Variants in SORCS2 observed in about 807,000 individuals in gnomAD.
SORCS2 encodes the protein sortilin related VPS10 domain containing receptor 2, also known as VPS10 domain-containing receptor SorCS2.
A neutral mutation model predicts 141.6 loss-of-function variants in SORCS2; 100 were observed. That is an observed-to-expected ratio of 0.71 (90% CI 0.60 to 0.83). The LOEUF (loss-of-function observed/expected upper bound fraction) is 0.83, where lower values mean the gene tolerates loss of function less well. SORCS2 is among the 40% of genes least tolerant of loss of function. SORCS2 has a pLI of 0.00. For synonymous variants in SORCS2, 789 were observed against 676.9 expected (o/e 1.17, Z -2.57); for missense variants, 1,646 against 1,560.2 (o/e 1.05, Z -0.93).
At chr4:7,447,721 G>A (rs1427072408) in intron 2 of SORCS2, among the ~76,000 whole-genome samples, 1 of 152,174 alleles carries the variant, frequency 6.6e-6, no homozygotes, top group Non-Finnish European at 1.5e-5. Flanking sequence ...ACCCCGAGGA[G>A]GCTGCTGCTC....
chr4:7,692,608 C>T (rs1331424704), intron 11 of SORCS2, among the ~76,000 whole-genome samples: 1 of 152,190 alleles, frequency 6.6e-6, no homozygotes, highest in Non-Finnish European at 1.5e-5. Flanking sequence ...TAAGACTCAG[C>T]TGCTCGGGGT....
intron 1 of SORCS2, among the ~76,000 whole-genome samples, chr4:7,252,885 CTG>C (rs1381730659): frequency 3.9e-5 from 6 of 152,238 alleles, no homozygotes; most frequent in Non-Finnish European, 8.8e-5. Flanking sequence ...AAAATTGAAA[CTG>C]TCGAATGGAA....
At chr4:7,700,736 C>T (rs938637644) in intron 12 of SORCS2, among the ~76,000 whole-genome samples, 5 of 152,190 alleles carry the variant, frequency 3.3e-5, no homozygotes, top group South Asian at 2.1e-4. Context: ...CCGTGAACCT[C>T]GGAGGGAGCA....
chr4:7,590,210 C>A (rs548882697), intron 3 of SORCS2, among the ~76,000 whole-genome samples: 2 of 152,278 alleles, frequency 1.3e-5, no homozygotes, highest in African/African-American at 4.8e-5. Context: ...AGTGATTTGT[C>A]CCAACATTAA....
At chr4:7,309,392 G>A (rs1056499134) in intron 1 of SORCS2, among the ~76,000 whole-genome samples, 3 of 152,170 alleles carry the variant, frequency 2.0e-5, no homozygotes, top group African/African-American at 7.2e-5. Context: ...CCGTCTGGCA[G>A]CCAAATCTAT....
At chr4:7,692,367 C>T (rs1050106642) in intron 11 of SORCS2, among the ~76,000 whole-genome samples, 1 of 152,216 alleles carries the variant, frequency 6.6e-6, no homozygotes, top group African/African-American at 2.4e-5. Context: ...GGAAAAGCCC[C>T]AGGCTCTATG....
intron 8 of SORCS2, among the ~76,000 whole-genome samples, chr4:7,670,705 T>C (rs1295993402): frequency 6.6e-6 from 1 of 152,234 alleles, no homozygotes; most frequent in Non-Finnish European, 1.5e-5. Flanking sequence ...TCGATTTGGA[T>C]AATGTCAGCT....
chr4:7,707,801 G>T (rs779950999), intron 14 of SORCS2, among the ~76,000 whole-genome samples: 1 of 152,214 alleles, frequency 6.6e-6, no homozygotes, highest in Non-Finnish European at 1.5e-5. Context: ...ACACAGGGGT[G>T]GAGACAGACG....
In SORCS2 at chr4:7,450,709, A is replaced by G. The variant is rs371724353; in HGVS notation, c.548+54354A>G. Reference sequence around the variant, plus strand: ...AGACTGAATGAATCTGAGTGAGTGAATGAGGGAGTGAGTGCATGAATGAGT... The same window carrying G: ...AGACTGAATGAATCTGAGTGAGTGAGTGAGGGAGTGAGTGCATGAATGAGT... On this transcript the variant is annotated intron_variant, in intron 2 of 26. Transcript: ENST00000507866. Among the ~76,000 whole-genome samples the G allele has an allele frequency of 5.9e-5, 9 of 152,358 alleles. No homozygotes were observed. The South Asian group carries it at 1.0e-3, about 18-fold the overall frequency.
chr4:7,502,306 G>A (rs1732022123), intron 2 of SORCS2, among the ~76,000 whole-genome samples: 1 of 152,250 alleles, frequency 6.6e-6, no homozygotes, highest in South Asian at 2.1e-4. Context: ...ACTGTCTGAG[G>A]ATGACATCTC....
chr4:7,741,111 T>C lies in SORCS2; in HGVS notation c.*847T>C, dbSNP rs1712635135. On this transcript the variant is annotated 3_prime_UTR_variant, in exon 27 of 27. Coordinates refer to ENST00000507866, the MANE Select transcript of SORCS2 (RefSeq NM_020777.3). ...ACCTGATGGCTGTTCTCCCACCGGG[T>C]CTGGGCTCTGGAAGGAGCCAGATGC... The C allele has an allele frequency of 2.5e-6, 1 of 398,402 alleles. No individual in the cohort carries two copies. Among genetic ancestry groups the C allele is most frequent in the African/African-American group, 2.1e-5 (1 of 48,550 alleles). The allele number at this position is 398,402 out of a possible 1,614,324, so 24.7% of individuals were successfully genotyped here. A position where few individuals can be genotyped will look rare whatever the true frequency, so the allele number is the denominator to read the frequency against.
chr4:7,244,533 C>T (rs1712947588), intron 1 of SORCS2, among the ~76,000 whole-genome samples: 1 of 152,214 alleles, frequency 6.6e-6, no homozygotes, highest in South Asian at 2.1e-4. Flanking sequence ...CTTTTCAGGG[C>T]CCATGTGTTC....
rs555098137 is a variant in SORCS2, at chr4:7,645,893, C to T, written c.813+7401C>T. Among the ~76,000 whole-genome samples the T allele has an allele frequency of 1.5e-4, 23 of 152,354 alleles. No homozygotes were observed. The East Asian group carries it at 4.2e-3, about 28-fold the overall frequency. On this transcript the variant is annotated intron_variant, in intron 4 of 26. Transcript: ENST00000507866. Reference sequence around the variant, plus strand: ...TATGGTACACCATCTCTGTGCACCACTATCCCTGGCTGCCTTCCTGCTCCC... The same window carrying T: ...TATGGTACACCATCTCTGTGCACCATTATCCCTGGCTGCCTTCCTGCTCCC...
chr4:7,428,725 G>T (rs62277596), intron 2 of SORCS2, among the ~76,000 whole-genome samples: 16,444 of 152,170 alleles, frequency 0.11, 1,144 homozygotes, highest in South Asian at 0.17. Context: ...AAGGGGAGGG[G>T]CTGGGCTGCA....
At chr4:7,248,213 A>T (rs963491884) in intron 1 of SORCS2, among the ~76,000 whole-genome samples, 1 of 152,158 alleles carries the variant, frequency 6.6e-6, no homozygotes, top group South Asian at 2.1e-4. Flanking sequence ...CCATGATCGC[A>T]TGGGGTCCTT....
intron 1 of SORCS2, among the ~76,000 whole-genome samples, chr4:7,369,434 G>C (rs1348171835): frequency 1.3e-5 from 2 of 152,208 alleles, no homozygotes; most frequent in African/African-American, 4.8e-5. Flanking sequence ...CTATGAGCTG[G>C]TCTCTCCTAA....
At chr4:7,541,348 G>A (rs1294862932) in intron 3 of SORCS2, among the ~76,000 whole-genome samples, 1 of 152,244 alleles carries the variant, frequency 6.6e-6, no homozygotes, top group African/African-American at 2.4e-5. Context: ...CACCATCATG[G>A]GAAGCCTTGC....
intron 2 of SORCS2, among the ~76,000 whole-genome samples, chr4:7,527,377 G>T (rs1031748432): frequency 5.9e-5 from 9 of 152,378 alleles, no homozygotes; most frequent in South Asian, 4.1e-4. Flanking sequence ...TCACAAGGAG[G>T]GAGCCAGAGG....
chr4:7,403,987 ATATATATATATTTTT>A (rs1423418431), intron 2 of SORCS2, among the ~76,000 whole-genome samples: 267 of 22,144 alleles, frequency 0.012, 8 homozygotes, highest in African/African-American at 0.024. Context: ...ATATATATAT[ATATATATATATTTTT>A]TTTTTTTTTT....
Sources: allele counts gnomAD v4.1 joint callset (sites outside exome capture counted in the v4.1 genomes callset), GRCh38; gene constraint gnomAD v4.1.1; transcripts MANE v1.5; gene names NCBI Gene and HGNC (gene_info 2026-07-23, HGNC 2026-07-21).